PPIP5K2: variants seen among roughly 807,000 people sequenced by gnomAD.
PPIP5K2 encodes the protein diphosphoinositol pentakisphosphate kinase 2, also known as inositol hexakisphosphate and diphosphoinositol-pentakisphosphate kinase 2.
PPIP5K2 carries 105 observed loss-of-function variants against 154.6 expected under a neutral mutation model. That is an observed-to-expected ratio of 0.68 (90% CI 0.58 to 0.80). The LOEUF is 0.80. PPIP5K2 is among the 30% of genes least tolerant of loss of function. PPIP5K2 has a pLI of 0.00. For synonymous variants in PPIP5K2, 480 were observed against 490.3 expected, an observed-to-expected ratio of 0.98 and a Z score of 0.28; for missense variants, 992 against 1,504.6, an observed-to-expected ratio of 0.66 and a Z score of 5.64.
At chr5:103,172,837 C>G (rs1468545223) in intron 19 of PPIP5K2, among the ~76,000 whole-genome samples, 4 of 151,578 alleles carry the variant, frequency 2.6e-5, no homozygotes, top group African/African-American at 9.7e-5. Context: ...CTTAATCCAC[C>G]TTTCTTTTAG....
chr5:103,182,511 C>T (rs908744166), intron 24 of PPIP5K2, among the ~76,000 whole-genome samples: 1 of 152,292 alleles, frequency 6.6e-6, no homozygotes, highest in African/African-American at 2.4e-5. Context: ...AAAAGACACA[C>T]AGAGAAAAAG....
Position 103,136,710 on chromosome 5 carries a change from T to A in PPIP5K2, c.311-22T>A, listed in dbSNP as rs1428564783. 5.7e-6 allele frequency: 9 copies of A among 1,566,384 alleles called. No individual in the cohort carries two copies. In the East Asian group the frequency reaches 1.1e-4, roughly 20 times the overall value. On this transcript the variant is annotated intron_variant, in intron 3 of 30. Coordinates refer to ENST00000358359, the MANE Select transcript of PPIP5K2 (RefSeq NM_001276277.3). ...GCTTATCTTGAGATAATACAGAATA[T>A]GTTAATAATATGTGTTCTTAGGATT...
intron 30 of PPIP5K2, 52 bp from the exon 31 acceptor site, chr5:103,201,470 G>A: frequency 1.8e-6 from 2 of 1,085,222 alleles, no homozygotes; most frequent in East Asian, 2.4e-5. Context: ...AACTTGGATT[G>A]TTTGTGTAAA....
rs782113294 is a variant in PPIP5K2 at position 103,158,417 on chromosome 5, A to T, written c.1616-35A>T. The T allele has an allele frequency of 3.1e-6, 5 of 1,593,322 alleles. No homozygotes were observed. In the East Asian group the frequency reaches 1.1e-4, roughly 36 times the overall value. On this transcript the variant is annotated intron_variant, in intron 15 of 30. Transcript: ENST00000358359. ...ATTTATAGAAATACAATGAAATGAA[A>T]ATATAGCTGAAGTGATTTGAGGATT...
intron 17 of PPIP5K2, among the ~76,000 whole-genome samples, chr5:103,161,887 C>A (rs1796321118): frequency 6.6e-6 from 1 of 151,878 alleles, no homozygotes; most frequent in Admixed American, 6.6e-5. Context: ...TAAAACTTTT[C>A]TCCCATTCTG....
intron 29 of PPIP5K2, among the ~76,000 whole-genome samples, chr5:103,191,934 G>T (rs1421034830): frequency 6.6e-6 from 1 of 151,928 alleles, no homozygotes; most frequent in African/African-American, 2.4e-5. Flanking sequence ...AATAAATTTT[G>T]CTCAATAATA....
chr5:103,159,915 C>T (rs1039393127), intron 17 of PPIP5K2, among the ~76,000 whole-genome samples: 1 of 152,154 alleles, frequency 6.6e-6, no homozygotes, highest in Non-Finnish European at 1.5e-5. Context: ...CCTTGACCAA[C>T]ATCTTCCCAA....
At chr5:103,141,461 G>C (rs192750390) in intron 5 of PPIP5K2, among the ~76,000 whole-genome samples, 7 of 152,130 alleles carry the variant, frequency 4.6e-5, no homozygotes, top group African/African-American at 1.7e-4. Context: ...AGATCTTCGC[G>C]GTGAGTGTTA....
rs782010025 is a variant in PPIP5K2, at chr5:103,177,855, A to G, written c.2638-9A>G. 1 of 1,606,518 alleles carries G rather than the reference A, an allele frequency of 6.2e-7. No homozygotes were observed. The highest frequency in any genetic ancestry group is 1.7e-5 in the Admixed American group (1 of 59,860). On this transcript the variant is annotated splice_polypyrimidine_tract_variant and intron_variant, in intron 22 of 30. Transcript: ENST00000358359. ...TCTCATTTTGAAAATGTTCTGTCAT[A>G]TTTCTTAGGATCTTTCCTCAGAAGA...
intron 27 of PPIP5K2, 95 bp from the exon 28 acceptor site, chr5:103,187,219 C>G (rs893081905): frequency 4.4e-6 from 4 of 916,320 alleles, no homozygotes; most frequent in East Asian, 5.3e-5. Flanking sequence ...TGTCACCTTT[C>G]TAACCTCCTC....
chr5:103,201,194 GAA>G (rs1161720698), intron 30 of PPIP5K2, among the ~76,000 whole-genome samples: 2 of 152,104 alleles, frequency 1.3e-5, no homozygotes, highest in African/African-American at 4.8e-5. Context: ...TGAGCTAAAG[GAA>G]AAGGCCCAGG....
intron 5 of PPIP5K2, among the ~76,000 whole-genome samples, chr5:103,142,116 A>T (rs1792830858): frequency 6.6e-6 from 1 of 152,182 alleles, no homozygotes; most frequent in Non-Finnish European, 1.5e-5. Context: ...CGGGCCGCAC[A>T]GGAGCCCATG....
Position 103,137,163 on chromosome 5 carries a change from AT to A in PPIP5K2, c.401+358del, listed in dbSNP as rs71620680. 5.7e-3 allele frequency among the ~76,000 whole-genome samples: 793 copies of A among 139,758 alleles called. 1 individual carries two copies. The highest frequency in any genetic ancestry group is 0.012 in the African/African-American group (438 of 37,968). The allele number at this position is 139,758 out of a possible 152,430, so 91.7% of individuals were successfully genotyped here. ...TTAGGACTTTACTCATTATAACTAGATTTTTTTTTTTTTTTTTGAGATGGAG... is the reference window on the plus strand; with the variant it reads ...TTAGGACTTTACTCATTATAACTAGATTTTTTTTTTTTTTTTGAGATGGAG... On this transcript the variant is annotated intron_variant, in intron 4 of 30. Transcript: ENST00000358359.
rs73199725 is a variant in PPIP5K2, at chr5:103,180,063, C to T, written c.2797C>T (p.Pro933Ser). 2 of 1,585,860 alleles carry T rather than the reference C, an allele frequency of 1.3e-6. No individual in the cohort carries two copies. The highest frequency in any genetic ancestry group is 1.4e-5 in the African/African-American group (1 of 72,808). The change falls in exon 24 of 31, where the codon CCA (proline) becomes TCA (serine). Residue 933 changes from proline (P) to serine (S), a missense_variant. This residue lies in a region of PPIP5K2 where 204 missense variants were observed against 224.0 expected (regional missense o/e 0.91). Coordinates refer to ENST00000358359, the MANE Select transcript of PPIP5K2 (RefSeq NM_001276277.3). ...TTTTAAAATTGATAATGATGATGAA[C>T]CACATACTTCTAAAAGAGATGAAGT... ...RPFKIDNDDE[P>S]HTSKRDEVDR...
At chr5:103,175,712 A>G (rs992072990) in intron 21 of PPIP5K2, among the ~76,000 whole-genome samples, 1 of 152,076 alleles carries the variant, frequency 6.6e-6, no homozygotes, top group African/African-American at 2.4e-5. Context: ...GAAAGTGGGT[A>G]TGAGGAAACC....
intron 3 of PPIP5K2, among the ~76,000 whole-genome samples, chr5:103,134,755 G>A (rs1311667650): frequency 6.6e-6 from 1 of 152,122 alleles, no homozygotes; most frequent in Non-Finnish European, 1.5e-5. Flanking sequence ...ACAAAAGCAG[G>A]AAACTGTGTA....
intron 2 of PPIP5K2, among the ~76,000 whole-genome samples, chr5:103,133,231 A>G (rs1790930657): frequency 2.0e-5 from 3 of 152,172 alleles, no homozygotes; most frequent in Admixed American, 1.3e-4. Flanking sequence ...TTATTCTGAA[A>G]GTGTTTTTGT....
Position 103,195,033 on chromosome 5 carries a change from G to C in PPIP5K2, c.3619+8G>C. 6.2e-7 allele frequency: 1 copy of C among 1,605,596 alleles called. No individual in the cohort carries two copies. The highest frequency in any genetic ancestry group is 8.5e-7 in the Non-Finnish European group (1 of 1,177,208). On this transcript the variant is annotated splice_region_variant and intron_variant, in intron 30 of 30. Transcript: ENST00000358359. Reference sequence around the variant, plus strand: ...AAGCAAGCAGCAAACCAGGTAAGGGGTGTGTGTGTTGAGTTTGTGGATTTG... The same window carrying C: ...AAGCAAGCAGCAAACCAGGTAAGGGCTGTGTGTGTTGAGTTTGTGGATTTG...
Position 103,155,831 on chromosome 5 carries a change from CA to C in PPIP5K2, c.1404-75del, listed in dbSNP as rs553226991. On this transcript the variant is annotated intron_variant, in intron 13 of 30. Coordinates refer to ENST00000358359, the MANE Select transcript of PPIP5K2 (RefSeq NM_001276277.3). ...TTTCGAAGAATTAAACAGGCGGTTA[CA>C]AATAAAAGGGAGCATGAATATGTGA... 778 of 922,886 alleles carry C rather than the reference CA, an allele frequency of 8.4e-4. 6 individuals carry two copies. In the African/African-American group the frequency reaches 0.011, roughly 14 times the overall value. The allele number at this position is 922,886 out of a possible 1,614,324, so 57.2% of individuals were successfully genotyped here.
Sources: allele counts gnomAD v4.1 joint callset (sites outside exome capture counted in the v4.1 genomes callset), GRCh38; gene constraint gnomAD v4.1.1; regional missense constraint gnomAD v4.1.1; transcripts MANE v1.5; gene names NCBI Gene and HGNC (gene_info 2026-07-23, HGNC 2026-07-21).